Variants in RMDN2 observed in about 807,000 individuals in gnomAD.
RMDN2 encodes regulator of microtubule dynamics 2.
A neutral mutation model predicts 52.8 loss-of-function variants in RMDN2; 61 were observed. The ratio of observed to expected loss-of-function variants is 1.16; its 90% CI spans 0.94 to 1.43. The LOEUF (loss-of-function observed/expected upper bound fraction) is 1.43. Among genes scored for constraint, RMDN2 ranks in the 40% most tolerant of loss-of-function variants. The pLI is 0.00. For synonymous variants in RMDN2, 180 were observed against 153.1 expected, an observed-to-expected ratio of 1.18 and a Z score of -1.30; for missense variants, 592 against 475.3, an observed-to-expected ratio of 1.25 and a Z score of -2.28.
At chr2:38,034,748 C>G (rs896375678) in intron 10 of RMDN2, among the ~76,000 whole-genome samples, 1 of 149,812 alleles carries the variant, frequency 6.7e-6, no homozygotes, top group South Asian at 2.1e-4. Context: ...GTATTAATAC[C>G]CTACTAAAAT....
intron 2 of RMDN2, among the ~76,000 whole-genome samples, chr2:37,941,973 C>G (rs950638205): frequency 6.6e-6 from 1 of 151,642 alleles, no homozygotes; most frequent in African/African-American, 2.4e-5. Flanking sequence ...CTGCAGCTAG[C>G]TCGGTATCTG....
chr2:37,953,856 T>C (rs969287621), intron 2 of RMDN2, among the ~76,000 whole-genome samples: 10 of 152,006 alleles, frequency 6.6e-5, no homozygotes, highest in East Asian at 5.8e-4. Flanking sequence ...CCAACACTTA[T>C]TATTTTGTTT....
intron 2 of RMDN2, among the ~76,000 whole-genome samples, chr2:37,941,066 A>C (rs1417119553): frequency 1.1e-4 from 16 of 152,036 alleles, no homozygotes; most frequent in Non-Finnish European, 2.2e-4. Flanking sequence ...TGACGTTCTG[A>C]TGGAGTTTTT....
intron 2 of RMDN2, among the ~76,000 whole-genome samples, chr2:37,957,213 A>T: frequency 6.6e-6 from 1 of 152,184 alleles, no homozygotes; most frequent in East Asian, 1.9e-4. Context: ...CTAGTTCTAG[A>T]TCCTTGAGGA....
chr2:37,948,341 T>G (rs1292307492), intron 2 of RMDN2, among the ~76,000 whole-genome samples: 2 of 152,122 alleles, frequency 1.3e-5, no homozygotes, highest in Non-Finnish European at 2.9e-5. Context: ...TAATGAGTGG[T>G]AATTATGGTT....
At chr2:37,968,331 T>C (rs1042059592) in intron 2 of RMDN2, among the ~76,000 whole-genome samples, 12 of 115,312 alleles carry the variant, frequency 1.0e-4, no homozygotes, top group Non-Finnish European at 1.8e-4. Context: ...TAATCCCAGC[T>C]TGGGGGGCTG....
At chr2:38,019,534 C>G (rs1276081968), downstream of RMDN2, among the ~76,000 whole-genome samples, 1 of 152,160 alleles carries the variant, frequency 6.6e-6, no homozygotes, top group East Asian at 1.9e-4. Flanking sequence ...ACACATTTGG[C>G]CTTTTCTCCA....
intron 10 of RMDN2, among the ~76,000 whole-genome samples, chr2:38,028,895 G>A (rs888031519): frequency 8.5e-5 from 13 of 152,116 alleles, no homozygotes; most frequent in Non-Finnish European, 1.8e-4. Flanking sequence ...CAGCTGATGC[G>A]GAGGTTGGAA....
At chr2:37,948,784 G>GT (rs1668445788) in intron 2 of RMDN2, among the ~76,000 whole-genome samples, 1 of 152,082 alleles carries the variant, frequency 6.6e-6, no homozygotes, top group African/African-American at 2.4e-5. Flanking sequence ...CCTAAACACC[G>GT]TTTTTTGTGT....
rs139288513 is a variant in RMDN2, at chr2:37,969,073, C to T, written c.453-4967C>T. ...TTTTTCAATGTGGGAAATAGACTAG[C>T]GTACATGTTCTCTTTTGTTGCCCAG... is the stretch of plus-strand genomic sequence containing the variant. On this transcript the variant is annotated intron_variant, in intron 2 of 10. Transcript: ENST00000354545. Among the ~76,000 whole-genome samples, 189 of 150,892 alleles carry T rather than the reference C, an allele frequency of 1.3e-3. 2 individuals are homozygous for T. In the East Asian group the frequency reaches 0.023, roughly 18 times the overall value.
At chr2:38,020,374 C>T (rs1056553257), downstream of RMDN2, among the ~76,000 whole-genome samples, 4 of 152,220 alleles carry the variant, frequency 2.6e-5, no homozygotes, top group African/African-American at 9.6e-5. Context: ...CCCTCGCTCG[C>T]TCTCTGCGCC....
intron 10 of RMDN2, among the ~76,000 whole-genome samples, chr2:38,007,553 C>A (rs1302382379): frequency 2.0e-5 from 3 of 152,040 alleles, no homozygotes; most frequent in African/African-American, 7.2e-5. Flanking sequence ...GTGGTGATAT[C>A]CCCTTTATCA....
chr2:38,067,079 T>C (rs913896082), exon 11 of RMDN2: 19 of 1,274,040 alleles, frequency 1.5e-5, no homozygotes, highest in Non-Finnish European at 2.1e-5. Context: ...ACCTAGGCCC[T>C]GTGAAGTCAA....
intron 2 of RMDN2, among the ~76,000 whole-genome samples, chr2:37,968,458 A>G (rs960206881): frequency 6.2e-5 from 9 of 145,918 alleles, no homozygotes; most frequent in Admixed American, 1.3e-4. Context: ...AAAAAAAAAA[A>G]AAAGAAAGTC....
chr2:38,034,436 A>G (rs1680438367), intron 10 of RMDN2, among the ~76,000 whole-genome samples: 1 of 152,184 alleles, frequency 6.6e-6, no homozygotes, highest in African/African-American at 2.4e-5. Flanking sequence ...TAAAGATCAG[A>G]CTTTTTCAGA....
chr2:38,015,315 C>A (rs763416714), intron 10 of RMDN2, among the ~76,000 whole-genome samples: 19 of 152,144 alleles, frequency 1.2e-4, no homozygotes, highest in Non-Finnish European at 2.4e-4. Flanking sequence ...AGCTATAATC[C>A]CAGCACTTTG....
intron 2 of RMDN2, among the ~76,000 whole-genome samples, chr2:37,966,377 A>G (rs1238506545): frequency 1.3e-5 from 2 of 152,004 alleles, no homozygotes; most frequent in Non-Finnish European, 2.9e-5. Flanking sequence ...AGATCATGCC[A>G]CTGCATTCCA....
chr2:37,951,173 G>T, intron 2 of RMDN2: 1 of 1,464,806 alleles, frequency 6.8e-7, no homozygotes, highest in South Asian at 1.5e-5. Context: ...CAGGAGGCTT[G>T]GCAGGTCTCC....
chr2:38,046,019 G>A (rs565445074), intron 10 of RMDN2, among the ~76,000 whole-genome samples: 37 of 152,282 alleles, frequency 2.4e-4, no homozygotes, highest in African/African-American at 7.5e-4. Context: ...GAATGAGGTC[G>A]CCATTGTAGG....
Sources: allele counts gnomAD v4.1 joint callset (sites outside exome capture counted in the v4.1 genomes callset), GRCh38; gene constraint gnomAD v4.1.1; transcripts MANE v1.5; gene names NCBI Gene and HGNC (gene_info 2026-07-23, HGNC 2026-07-21).